PDCD4: variants seen among roughly 807,000 people sequenced by gnomAD.
The protein encoded by PDCD4 is programmed cell death 4.
In PDCD4, 56 loss-of-function variants were observed where a neutral mutation model predicts 54.0. The ratio of observed to expected loss-of-function variants is 1.04; its 90% CI spans 0.84 to 1.30. The LOEUF is 1.30. Ranked by LOEUF, PDCD4 falls within the 50% of genes most tolerant of loss-of-function variation. The probability of loss-of-function intolerance (pLI) is 0.00; values close to 1 mark genes in which losing one functional copy is unlikely to be tolerated. For synonymous variants in PDCD4, 186 were observed against 194.8 expected, an observed-to-expected ratio of 0.95 and a Z score of 0.37; for missense variants, 584 against 559.8, an observed-to-expected ratio of 1.04 and a Z score of -0.44.
At chr10:110,882,450 C>T (rs768863873) in intron 3 of PDCD4, among the ~76,000 whole-genome samples, 5 of 152,122 alleles carry the variant, frequency 3.3e-5, no homozygotes, top group Non-Finnish European at 7.4e-5. Flanking sequence ...ATTTTCAGGG[C>T]TGTTAATGCT....
At chr10:110,883,852 T>C (rs1436634415) in intron 4 of PDCD4, among the ~76,000 whole-genome samples, 1 of 152,182 alleles carries the variant, frequency 6.6e-6, no homozygotes, top group African/African-American at 2.4e-5. Flanking sequence ...ATTTAAGTGT[T>C]TTAACTAATA....
intron 9 of PDCD4, 102 bp downstream of exon 9, chr10:110,894,300 AAGG>A (rs1845798328): frequency 4.5e-6 from 4 of 889,906 alleles, no homozygotes; most frequent in South Asian, 2.9e-5. Context: ...TTTAATATCA[AAGG>A]AGGAAGTGGT....
At position 110,887,155 on chromosome 10, in the gene PDCD4, A is replaced by G. The variant is rs149836943; in HGVS notation, c.556-510A>G. On this transcript the variant is annotated intron_variant, in intron 5 of 11. Coordinates refer to ENST00000280154, the MANE Select transcript of PDCD4 (RefSeq NM_014456.5). ...TGCATATATACCTTTGGTCTCATAT[A>G]ATACTCTTTTTACTGTATCTTTTCT... Among the ~76,000 whole-genome samples, 790 of 152,286 alleles carry G rather than the reference A, an allele frequency of 5.2e-3. 8 individuals carry two copies. Among genetic ancestry groups the G allele is most frequent in the African/African-American group, 0.018 (757 of 41,574 alleles).
chr10:110,872,710 C>A (rs7901359), intron 1 of PDCD4, among the ~76,000 whole-genome samples: 152,318 of 152,370 alleles, frequency 1, 76,133 homozygotes, highest in Middle Eastern at 1. Context: ...TCGTCGCGCC[C>A]GTCTTCCGGC....
rs1346112854 is a variant in PDCD4 at position 110,881,468 on chromosome 10, C to G, written c.279C>G (p.Thr93=). The G allele has an allele frequency of 6.2e-7, 1 of 1,614,022 alleles. No individual in the cohort carries two copies. The highest frequency in any genetic ancestry group is 1.3e-5 in the African/African-American group (1 of 74,912). Residue 93 remains threonine, a synonymous_variant, in exon 3 of 12, where the codon ACC becomes ACG. Coordinates refer to ENST00000280154, the MANE Select transcript of PDCD4 (RefSeq NM_014456.5). ...TTAGAAGTGGATTAACTGTGCCAACCAGTCCAAAGGGAAGGTTGCTGGATA... is the reference window on the plus strand; with the variant it reads ...TTAGAAGTGGATTAACTGTGCCAACGAGTCCAAAGGGAAGGTTGCTGGATA... ...DALRSGLTVP[T]SPKGRLLDRR...
intron 4 of PDCD4, among the ~76,000 whole-genome samples, chr10:110,884,480 A>G (rs1393843338): frequency 1.3e-5 from 2 of 152,042 alleles, no homozygotes; most frequent in East Asian, 3.9e-4. Context: ...TTTTTCTGTC[A>G]CTACAACATT....
intron 7 of PDCD4, 115 bp downstream of exon 7, chr10:110,889,745 C>G (rs1845728250): frequency 1.5e-6 from 1 of 671,510 alleles, no homozygotes; most frequent in Non-Finnish European, 2.6e-6. Context: ...TGTCACTTCT[C>G]TATATTCTCC....
At chr10:110,894,048 A>G (rs751965424) in intron 8 of PDCD4, 43 bp from the exon 9 acceptor site, 1 of 1,199,450 alleles carries the variant, frequency 8.3e-7, no homozygotes, top group South Asian at 1.2e-5. Flanking sequence ...CGATATTTTA[A>G]AAGTTAGGAA....
At chr10:110,897,847 T>A (rs1400123485) in intron 11 of PDCD4, among the ~76,000 whole-genome samples, 181 bp from the exon 12 acceptor site, 1 of 151,912 alleles carries the variant, frequency 6.6e-6, no homozygotes, top group African/African-American at 2.4e-5. Context: ...TGATGTTTTA[T>A]GCTAAGATAT....
intron 1 of PDCD4, among the ~76,000 whole-genome samples, chr10:110,875,173 T>C (rs1845482944): frequency 6.6e-6 from 1 of 152,170 alleles, no homozygotes. Flanking sequence ...TGGATCTGTA[T>C]CACTAAGTTA....
At chr10:110,891,276 G>A (rs1845751693) in intron 8 of PDCD4, among the ~76,000 whole-genome samples, 2 of 151,796 alleles carry the variant, frequency 1.3e-5, no homozygotes, top group African/African-American at 4.8e-5. Context: ...GCATGGTGGT[G>A]CGCACCTGTA....
intron 8 of PDCD4, among the ~76,000 whole-genome samples, chr10:110,891,243 A>G (rs1486185008): frequency 6.6e-6 from 1 of 151,932 alleles, no homozygotes; most frequent in Non-Finnish European, 1.5e-5. Flanking sequence ...CGTTTCTACT[A>G]AAAATACATA....
At chr10:110,872,166 T>C (rs1185790868) in intron 1 of PDCD4, 148 bp downstream of exon 1, 1 of 151,324 alleles carries the variant, frequency 6.6e-6, no homozygotes, top group Non-Finnish European at 1.5e-5. Flanking sequence ...GGTGCGGGGG[T>C]CCGGCTGCCT....
chr10:110,886,657 A>G (rs1451801074), intron 5 of PDCD4, among the ~76,000 whole-genome samples: 2 of 151,976 alleles, frequency 1.3e-5, no homozygotes, highest in Non-Finnish European at 2.9e-5. Context: ...CAGTTTGGCT[A>G]CTCCAGCTGT....
chr10:110,872,306 C>T (rs1318745677), intron 1 of PDCD4: 1 of 152,458 alleles, frequency 6.6e-6, no homozygotes, highest in Non-Finnish European at 1.5e-5. Context: ...GGAGCCATCT[C>T]CCCACTGAGA....
At chr10:110,889,656 G>T in intron 7 of PDCD4, 26 bp downstream of exon 7, 1 of 1,326,762 alleles carries the variant, frequency 7.5e-7, no homozygotes, top group South Asian at 1.2e-5. Context: ...TTCCTACTTA[G>T]AATTTCAAAA....
chr10:110,876,038 A>C lies in PDCD4; in HGVS notation c.11A>C (p.Glu4Ala). Residue 4 changes from glutamate (E) to alanine (A), a missense_variant, in exon 2 of 12, where the codon GAA becomes GCA. By Grantham distance (107) the Glu-to-Ala change is moderately radical (BLOSUM62 -1). Transcript: ENST00000280154. Reference protein sequence around the residue: MDVENEQILNVNPA... With the variant: MDVANEQILNVNPA... ...CGAAATTAAGGGAAAATGGATGTAG[A>C]AAATGAGCAGATACTGAATGTAAAC... is the stretch of plus-strand genomic sequence containing the variant. 1 of 1,610,666 alleles carries C rather than the reference A, an allele frequency of 6.2e-7. No individual in the cohort carries two copies. The highest frequency in any genetic ancestry group is 8.5e-7 in the Non-Finnish European group (1 of 1,177,968).
chr10:110,882,747 T>G (rs1845610682), intron 3 of PDCD4, among the ~76,000 whole-genome samples: 1 of 152,188 alleles, frequency 6.6e-6, no homozygotes, highest in South Asian at 2.1e-4. Flanking sequence ...TTTTTTATCT[T>G]TATTTGTTTT....
In PDCD4 at chr10:110,885,259, T is replaced by C. The variant is rs755520898; in HGVS notation, c.448T>C (p.Cys150Arg). The change falls in exon 5 of 12, where the codon TGT (cysteine) becomes CGT (arginine). Residue 150 changes from cysteine (C) to arginine (R), a missense_variant. Transcript: ENST00000280154. ...DPNYDDDQENCVYETVVLPLD... is the reference protein window; with the variant it reads ...DPNYDDDQENRVYETVVLPLD... Reference sequence around the variant, plus strand: ...CTCCCTTTTCCCCTCAAAGGAGAACTGTGTTTATGAAACTGTAGTTTTGCC... The same window carrying C: ...CTCCCTTTTCCCCTCAAAGGAGAACCGTGTTTATGAAACTGTAGTTTTGCC... 6.7e-7 allele frequency: 1 copy of C among 1,497,408 alleles called. No individual in the cohort carries two copies. The highest frequency in any genetic ancestry group is 9.3e-7 in the Non-Finnish European group (1 of 1,078,918). The allele number at this position is 1,497,408 out of a possible 1,614,324, so 92.8% of individuals were successfully genotyped here. A position where few individuals can be genotyped will look rare whatever the true frequency, so the allele number is the denominator to read the frequency against.
Sources: allele counts gnomAD v4.1 joint callset (sites outside exome capture counted in the v4.1 genomes callset), GRCh38; gene constraint gnomAD v4.1.1; transcripts MANE v1.5; gene names NCBI Gene and HGNC (gene_info 2026-07-23, HGNC 2026-07-21).